The following CSRNP3 variants were observed in gnomAD, a reference collection of about 807,000 sequenced individuals.
The protein encoded by CSRNP3 is cysteine/serine-rich nuclear protein 3.
A neutral mutation model predicts 48.0 loss-of-function variants in CSRNP3; 12 were observed. The observed-to-expected ratio is 0.25, with a 90% confidence interval of 0.16 to 0.41. The LOEUF is 0.41. Ranked by LOEUF, CSRNP3 falls within the 10% of genes least tolerant of loss-of-function variation. The pLI, the probability that CSRNP3 is intolerant of heterozygous loss-of-function variation, is 1.00. For missense variants in CSRNP3, 580 were observed against 724.4 expected, an observed-to-expected ratio of 0.80 and a Z score of 2.29; for synonymous variants, 263 against 269.7, an observed-to-expected ratio of 0.98 and a Z score of 0.24.
chr2:165,476,002 T>C (rs1683957940), intron 1 of CSRNP3, among the ~76,000 whole-genome samples: 1 of 152,212 alleles, frequency 6.6e-6, no homozygotes, highest in African/African-American at 2.4e-5. Context: ...TGTAATTAAC[T>C]GTAATTGTTA....
intron 4 of CSRNP3, among the ~76,000 whole-genome samples, chr2:165,599,180 G>T (rs899187030): frequency 6.6e-6 from 1 of 151,422 alleles, no homozygotes; most frequent in Non-Finnish European, 1.5e-5. Context: ...AGCCATGATT[G>T]CACCACTGCA....
At chr2:165,557,038 G>A (rs562068291) in intron 3 of CSRNP3, among the ~76,000 whole-genome samples, 4 of 152,178 alleles carry the variant, frequency 2.6e-5, no homozygotes, top group Non-Finnish European at 5.9e-5. Flanking sequence ...AAGGAAGGGT[G>A]GCAAAAGTGG....
intron 3 of CSRNP3, among the ~76,000 whole-genome samples, chr2:165,567,690 A>C (rs571641501): frequency 1.3e-5 from 2 of 152,080 alleles, no homozygotes; most frequent in East Asian, 3.9e-4. Context: ...CATTATCCAA[A>C]ATTATCTGTT....
chr2:165,568,703 A>C (rs1256485079), intron 3 of CSRNP3, among the ~76,000 whole-genome samples: 1 of 152,090 alleles, frequency 6.6e-6, no homozygotes, highest in East Asian at 1.9e-4. Context: ...AGACCAACTA[A>C]GAATAAAGGT....
chr2:165,653,333 C>T (rs1686946076), intron 4 of CSRNP3, among the ~76,000 whole-genome samples: 1 of 152,270 alleles, frequency 6.6e-6, no homozygotes, highest in East Asian at 1.9e-4. Flanking sequence ...GTATAATATG[C>T]AAATGCTAAA....
intron 2 of CSRNP3, among the ~76,000 whole-genome samples, chr2:165,502,191 A>C (rs1328944405): frequency 6.6e-6 from 1 of 152,022 alleles, no homozygotes; most frequent in Non-Finnish European, 1.5e-5. Context: ...ATAATCAACA[A>C]AAACAGCTGA....
At position 165,688,615 on chromosome 2, in the gene CSRNP3, T is replaced by C. The variant is rs1014239286; in HGVS notation, c.*8862T>C. 1.3e-5 allele frequency: 2 copies of C among 152,142 alleles called. No homozygotes were observed. The highest frequency in any genetic ancestry group is 4.8e-5 in the African/African-American group (2 of 41,446). The allele number at this position is 152,142 out of a possible 1,614,324, so 9.4% of individuals were successfully genotyped here. A position where few individuals can be genotyped will look rare whatever the true frequency, so the allele number is the denominator to read the frequency against. ...CTCACTTTCCAACTGCCATAGAAAT[T>C]TGGTACATTTGCAAATTCTGGTGGA... is the stretch of plus-strand genomic sequence containing the variant. On this transcript the variant is annotated 3_prime_UTR_variant, in exon 7 of 7. Coordinates refer to ENST00000651982, the MANE Select transcript of CSRNP3 (RefSeq NM_001172173.2).
intron 4 of CSRNP3, among the ~76,000 whole-genome samples, chr2:165,636,352 G>T (rs935024142): frequency 6.6e-6 from 1 of 152,200 alleles, no homozygotes; most frequent in Non-Finnish European, 1.5e-5. Flanking sequence ...GGAGTTTATA[G>T]ATAAGATTCT....
intron 3 of CSRNP3, among the ~76,000 whole-genome samples, chr2:165,521,004 T>A (rs1374025730): frequency 6.6e-6 from 1 of 150,826 alleles, no homozygotes; most frequent in East Asian, 1.9e-4. Flanking sequence ...TTTTAAAAAA[T>A]TTTTTGTAGA....
intron 4 of CSRNP3, among the ~76,000 whole-genome samples, chr2:165,616,028 G>C (rs1686237442): frequency 6.6e-6 from 1 of 151,556 alleles, no homozygotes; most frequent in African/African-American, 2.4e-5. Flanking sequence ...ATCATGCCCA[G>C]CTTCCATCCC....
chr2:165,566,508 T>A (rs538587982), intron 3 of CSRNP3, among the ~76,000 whole-genome samples: 1 of 151,702 alleles, frequency 6.6e-6, no homozygotes, highest in Non-Finnish European at 1.5e-5. Flanking sequence ...AAAATGGAGA[T>A]AGTAAAAGTA....
chr2:165,644,466 ATTAT>A (rs1456048385), intron 4 of CSRNP3, among the ~76,000 whole-genome samples: 1 of 152,160 alleles, frequency 6.6e-6, no homozygotes, highest in Non-Finnish European at 1.5e-5. Context: ...CCATTGTTTA[ATTAT>A]TCATTCATTC....
At chr2:165,554,375 A>G (rs1004016927) in intron 3 of CSRNP3, among the ~76,000 whole-genome samples, 39 of 152,236 alleles carry the variant, frequency 2.6e-4, no homozygotes, top group African/African-American at 8.9e-4. Flanking sequence ...AAATCCTTCC[A>G]TGAACTTCAA....
At chr2:165,563,776 C>T (rs548319534) in intron 3 of CSRNP3, among the ~76,000 whole-genome samples, 5 of 152,010 alleles carry the variant, frequency 3.3e-5, no homozygotes, top group Non-Finnish European at 7.4e-5. Flanking sequence ...GTGCCACAGG[C>T]CTTCTCTGAT....
intron 3 of CSRNP3, 139 bp from the exon 4 acceptor site, chr2:165,594,904 A>AT (rs1393690204): frequency 1.5e-5 from 8 of 546,012 alleles, no homozygotes; most frequent in Non-Finnish European, 2.1e-5. Context: ...AGAAAAAAAA[A>AT]TCTGCTAAAG....
intron 3 of CSRNP3, among the ~76,000 whole-genome samples, chr2:165,581,716 T>C (rs1253084041): frequency 6.6e-6 from 1 of 152,088 alleles, no homozygotes; most frequent in Admixed American, 6.5e-5. Flanking sequence ...TTTGTATTTT[T>C]AGTAGAGATG....
At chr2:165,678,656 G>A in intron 6 of CSRNP3, 45 bp from the exon 7 acceptor site, 1 of 1,571,194 alleles carries the variant, frequency 6.4e-7, no homozygotes, top group Non-Finnish European at 8.6e-7. Flanking sequence ...CGTTTATTTG[G>A]TTTGTAATAG....
intron 1 of CSRNP3, among the ~76,000 whole-genome samples, chr2:165,476,493 C>A (rs554923486): frequency 6.6e-6 from 1 of 152,292 alleles, no homozygotes; most frequent in Non-Finnish European, 1.5e-5. Flanking sequence ...GTACTGTAAA[C>A]GTGTTCATTT....
chr2:165,645,045 G>A (rs1030440953), intron 4 of CSRNP3, among the ~76,000 whole-genome samples: 1 of 151,930 alleles, frequency 6.6e-6, no homozygotes, highest in African/African-American at 2.4e-5. Context: ...TATAAAAAGG[G>A]CACTAAGGCC....
Sources: gnomAD v4.1 joint callset for allele counts (sites outside exome capture counted in the v4.1 genomes callset) on GRCh38, gnomAD v4.1.1 for gene constraint, MANE v1.5 for transcripts, NCBI Gene and HGNC (gene_info 2026-07-23, HGNC 2026-07-21) for gene names.